The following FAM76B variants were observed in gnomAD, a reference collection of about 807,000 sequenced individuals.
FAM76B encodes the protein protein FAM76B.
In FAM76B, 16 loss-of-function variants were observed where a neutral mutation model predicts 51.8. The observed-to-expected ratio is 0.31, with a 90% CI of 0.21 to 0.47. The LOEUF (loss-of-function observed/expected upper bound fraction) is 0.47. Among genes scored for constraint, FAM76B ranks in the 20% least tolerant of loss-of-function variants. The probability of loss-of-function intolerance (pLI) is 1.00; values close to 1 mark genes in which losing one functional copy is unlikely to be tolerated. For missense variants in FAM76B, 342 were observed against 392.6 expected (o/e 0.87, Z 1.09); for synonymous variants, 166 against 129.5 (o/e 1.28, Z -1.91).
At chr11:95,780,042 A>C in intron 5 of FAM76B, 116 bp from the exon 6 acceptor site, 1 of 964,534 alleles carries the variant, frequency 1.0e-6, no homozygotes, top group Admixed American at 2.8e-5. Context: ...CTTCAGAGAA[A>C]GGTATATTTA....
intron 9 of FAM76B, among the ~76,000 whole-genome samples, chr11:95,775,560 G>T (rs1415257447): frequency 6.6e-6 from 1 of 151,390 alleles, no homozygotes. Flanking sequence ...AAATATTAAT[G>T]TGAGGAATGA....
Position 95,786,236 on chromosome 11 carries a change from A to G in FAM76B, c.246T>C (p.Phe82=), listed in dbSNP as rs1860577464. The change falls in exon 4 of 10, where the codon TTT becomes TTC. Residue 82 remains phenylalanine (F), a synonymous_variant. Coordinates refer to ENST00000358780, the MANE Select transcript of FAM76B (RefSeq NM_144664.5). ...PCQYCNIIAA[F]IGTKCQRCTN... ...TGCAACGCTGACACTTGGTACCAATAAATGCTGCAATTATGTTACAGTACT... is the reference window on the plus strand; with the variant it reads ...TGCAACGCTGACACTTGGTACCAATGAATGCTGCAATTATGTTACAGTACT... The G allele has an allele frequency of 6.2e-7, 1 of 1,614,038 alleles. No homozygotes were observed. Among genetic ancestry groups the G allele is most frequent in the Non-Finnish European group, 8.5e-7 (1 of 1,180,018 alleles).
chr11:95,770,765 A>C lies in FAM76B; in HGVS notation c.*796T>G, dbSNP rs1315323916. ...ACTAGCAACTTTGATTTCCTTTTGA[A>C]ATAGGCTTCTGTACATATGCATTTA... On this transcript the variant is annotated 3_prime_UTR_variant, in exon 10 of 10. Coordinates refer to ENST00000358780, the MANE Select transcript of FAM76B (RefSeq NM_144664.5). The C allele has an allele frequency of 2.0e-5, 3 of 151,732 alleles. No homozygotes were observed. Among genetic ancestry groups the C allele is most frequent in the Non-Finnish European group, 4.4e-5 (3 of 67,440 alleles). 9.4% of individuals were successfully genotyped at this position (151,732 alleles called of 1,614,324 possible).
rs763930225 is a variant in FAM76B, at chr11:95,779,726, G to A, written c.612-39C>T. On this transcript the variant is annotated intron_variant, in intron 6 of 9. Coordinates refer to ENST00000358780, the MANE Select transcript of FAM76B (RefSeq NM_144664.5). The stretch of plus-strand genomic sequence containing the variant: ...TTAATAAGAATAGTTAGAGTAAAAA[G>A]GACAGAGAAACCAAATGATAAGTTA... 6 of 1,589,280 alleles carry A rather than the reference G, an allele frequency of 3.8e-6. No homozygotes were observed. The Admixed American group carries it at 9.0e-5, about 24-fold the overall frequency.
At chr11:95,781,310 G>C (rs778308353) in intron 5 of FAM76B, among the ~76,000 whole-genome samples, 4 of 152,002 alleles carry the variant, frequency 2.6e-5, no homozygotes, top group Admixed American at 2.6e-4. Context: ...ATCACAATAT[G>C]AATGCTCCTC....
At chr11:95,777,516 T>C (rs1860062435) in intron 8 of FAM76B, among the ~76,000 whole-genome samples, 4 of 151,382 alleles carry the variant, frequency 2.6e-5, no homozygotes, top group Admixed American at 2.6e-4. Context: ...TCAAGGCTAA[T>C]GCAGATATAT....
chr11:95,779,353 TA>T (rs2120228728), intron 7 of FAM76B: 1 of 522,972 alleles, frequency 1.9e-6, no homozygotes, highest in East Asian at 3.6e-5. Context: ...AAGATAAAAA[TA>T]ATGTTCTCCA....
intron 9 of FAM76B, among the ~76,000 whole-genome samples, chr11:95,774,391 A>G (rs540891369): frequency 2.2e-4 from 34 of 151,592 alleles, no homozygotes; most frequent in African/African-American, 7.2e-4. Context: ...TAGGCCTAAG[A>G]TATCTATCAG....
At chr11:95,789,027 C>A in intron 1 of FAM76B, 1 of 1,375,760 alleles carries the variant, frequency 7.3e-7, no homozygotes, top group Non-Finnish European at 9.6e-7. Context: ...CCCCTGCCTC[C>A]TGGTGGAAGA....
intron 2 of FAM76B, among the ~76,000 whole-genome samples, chr11:95,788,124 T>C (rs1860705072): frequency 6.6e-6 from 1 of 152,222 alleles, no homozygotes; most frequent in South Asian, 2.1e-4. Flanking sequence ...TCCTCTTCTA[T>C]GTAACAAATT....
In FAM76B at chr11:95,789,499, T is replaced by G. The variant is rs372214035; in HGVS notation, c.-21A>C. On this transcript the variant is annotated 5_prime_UTR_variant, in exon 1 of 10. Coordinates refer to ENST00000358780, the MANE Select transcript of FAM76B (RefSeq NM_144664.5). ...GCCATCCTGCTCCTCAGTCTCCTCC[T>G]CCGCCGCCGCCCGCTCCGAGGCGGG... 3.4e-4 allele frequency: 530 copies of G among 1,554,440 alleles called. No individual in the cohort carries two copies. In the African/African-American group the frequency reaches 5.4e-3, roughly 16 times the overall value.
chr11:95,769,616 A>G lies in FAM76B; in HGVS notation c.*1945T>C, dbSNP rs1343482332. 6.6e-6 allele frequency: 1 copy of G among 151,826 alleles called. No homozygotes were observed. The highest frequency in any genetic ancestry group is 1.5e-5 in the Non-Finnish European group (1 of 67,750). The allele number at this position is 151,826 out of a possible 1,614,324, so 9.4% of individuals were successfully genotyped here. A position where few individuals can be genotyped will look rare whatever the true frequency, so the allele number is the denominator to read the frequency against. ...AGAACTATCAAAAAGTAAAACCATAATGACCACTGTGGACTGACAAATGGC... is the reference window on the plus strand; with the variant it reads ...AGAACTATCAAAAAGTAAAACCATAGTGACCACTGTGGACTGACAAATGGC... On this transcript the variant is annotated 3_prime_UTR_variant, in exon 10 of 10. Transcript: ENST00000358780.
At chr11:95,775,112 C>T (rs1442749430) in intron 9 of FAM76B, among the ~76,000 whole-genome samples, 1 of 151,248 alleles carries the variant, frequency 6.6e-6, no homozygotes, top group Non-Finnish European at 1.5e-5. Context: ...ACATTTAAAA[C>T]TTCTTTCACC....
chr11:95,788,583 T>C lies in FAM76B; in HGVS notation c.88-20A>G. On this transcript the variant is annotated intron_variant, in intron 1 of 9. Transcript: ENST00000358780. ...ACATTCCTGTAATAAGACAATACATTAGTCAGTATCTTTCTGAAAGTCCCA... is the reference window on the plus strand; with the variant it reads ...ACATTCCTGTAATAAGACAATACATCAGTCAGTATCTTTCTGAAAGTCCCA... 1.9e-6 allele frequency: 3 copies of C among 1,597,662 alleles called. No individual in the cohort carries two copies. The highest frequency in any genetic ancestry group is 1.1e-5 in the South Asian group (1 of 90,428).
In FAM76B at chr11:95,770,574, T is replaced by A. The variant is rs568090170; in HGVS notation, c.*987A>T. On this transcript the variant is annotated 3_prime_UTR_variant, in exon 10 of 10. Coordinates refer to ENST00000358780, the MANE Select transcript of FAM76B (RefSeq NM_144664.5). ...AGCCACATGACATAAAAAATAAAATTACTCTTTAAGAAGCAACTTAAAATT... is the reference window on the plus strand; with the variant it reads ...AGCCACATGACATAAAAAATAAAATAACTCTTTAAGAAGCAACTTAAAATT... 6 of 151,834 alleles carry A rather than the reference T, an allele frequency of 4.0e-5. No individual in the cohort carries two copies. The Admixed American group carries it at 4.0e-4, about 10-fold the overall frequency. The allele number at this position is 151,834 out of a possible 1,614,324, so 9.4% of individuals were successfully genotyped here.
chr11:95,788,773 T>C, intron 1 of FAM76B: 2 of 1,427,340 alleles, frequency 1.4e-6, no homozygotes, highest in Non-Finnish European at 1.9e-6. Context: ...TTAGTAGACG[T>C]GGGGGTATAT....
intron 8 of FAM76B, 46 bp downstream of exon 8, chr11:95,778,776 A>G (rs1373883443): frequency 2.0e-6 from 3 of 1,531,410 alleles, no homozygotes; most frequent in Non-Finnish European, 2.6e-6. Flanking sequence ...ATCAAGCAAC[A>G]GTCAACACAT....
chr11:95,780,128 C>A (rs1860192414), intron 5 of FAM76B, among the ~76,000 whole-genome samples: 1 of 151,790 alleles, frequency 6.6e-6, no homozygotes. Flanking sequence ...TGACTGCTAA[C>A]CATCTCAAGT....
chr11:95,788,881 G>A, intron 1 of FAM76B: 1 of 1,367,648 alleles, frequency 7.3e-7, no homozygotes, highest in Non-Finnish European at 9.6e-7. Flanking sequence ...ACAGCATCCA[G>A]GCTTTAATGG....
Sources: allele counts gnomAD v4.1 joint callset (sites outside exome capture counted in the v4.1 genomes callset), GRCh38; gene constraint gnomAD v4.1.1; transcripts MANE v1.5; gene names NCBI Gene and HGNC (gene_info 2026-07-23, HGNC 2026-07-21).